Variants in RIMS2 observed in about 807,000 individuals in gnomAD.
RIMS2 encodes the protein regulating synaptic membrane exocytosis 2, also known as regulating synaptic membrane exocytosis protein 2.
A neutral mutation model predicts 174.4 loss-of-function variants in RIMS2; 59 were observed. The ratio of observed to expected loss-of-function variants is 0.34; its 90% CI spans 0.27 to 0.42. The LOEUF is 0.42. Among genes scored for constraint, RIMS2 ranks in the 10% least tolerant of loss-of-function variants. RIMS2 has a pLI of 1.00. For synonymous variants in RIMS2, 606 were observed against 572.5 expected (o/e 1.06, Z -0.84); for missense variants, 1,620 against 1,666.3 (o/e 0.97, Z 0.48).
chr8:103,794,358 G>T (rs2098531706), intron 3 of RIMS2, among the ~76,000 whole-genome samples: 2 of 152,178 alleles, frequency 1.3e-5, no homozygotes, highest in African/African-American at 2.4e-5. Context: ...AATCAATGGT[G>T]CTGGGAAAAC....
At chr8:104,115,351 T>C (rs1426108352) in intron 19 of RIMS2, among the ~76,000 whole-genome samples, 1 of 152,102 alleles carries the variant, frequency 6.6e-6, no homozygotes, top group African/African-American at 2.4e-5. Flanking sequence ...TAATGAGAAT[T>C]ACATGCAGTA....
At position 104,134,202 on chromosome 8, in the gene RIMS2, C is replaced by G. The variant is rs141351168; in HGVS notation, c.3335-110714C>G. On this transcript the variant is annotated intron_variant, in intron 19 of 23. Transcript: ENST00000504942. ...CTTTGGGGCCAGGCACAGTGGCTCA[C>G]GCCTGTAATTCCAGCACTTTGAGAG... Among the ~76,000 whole-genome samples the G allele has an allele frequency of 1.8e-3, 278 of 152,210 alleles. 4 individuals are homozygous for G. The highest frequency in any genetic ancestry group is 0.01 in the Middle Eastern group (3 of 294).
intron 19 of RIMS2, among the ~76,000 whole-genome samples, chr8:104,112,235 A>G (rs1430547067): frequency 6.6e-6 from 1 of 152,178 alleles, no homozygotes. Flanking sequence ...CTGTTAAGAT[A>G]AAATATTGCT....
intron 19 of RIMS2, among the ~76,000 whole-genome samples, chr8:104,020,201 T>C (rs1047217674): frequency 1.3e-5 from 2 of 152,004 alleles, no homozygotes; most frequent in African/African-American, 4.8e-5. Flanking sequence ...TATTGTGTGA[T>C]TTCATCTTTT....
rs2084069162 is a variant in RIMS2, at chr8:103,947,426, G to A, written c.2701+4500G>A. Among the ~76,000 whole-genome samples, 5 of 152,212 alleles carry A rather than the reference G, an allele frequency of 3.3e-5. No homozygotes were observed. In the South Asian group the frequency reaches 1.0e-3, roughly 32 times the overall value. ...AACATCATAGAGTGCACTTACACAA[G>A]CCTAGGTGGTGTAGCCTACTATACA... On this transcript the variant is annotated intron_variant, in intron 14 of 23. Coordinates refer to ENST00000504942, the Ensembl canonical transcript of RIMS2.
intron 19 of RIMS2, among the ~76,000 whole-genome samples, chr8:104,024,911 T>C (rs1025884343): frequency 6.6e-6 from 1 of 152,166 alleles, no homozygotes; most frequent in Non-Finnish European, 1.5e-5. Context: ...AATGGCTTAT[T>C]TTCATAATAC....
At chr8:103,719,482 G>A (rs1591040871) in intron 2 of RIMS2, among the ~76,000 whole-genome samples, 1 of 152,284 alleles carries the variant, frequency 6.6e-6, no homozygotes, top group Non-Finnish European at 1.5e-5. Flanking sequence ...GTACTCATCT[G>A]TATGTTTTTG....
At chr8:104,082,882 A>C (rs1215430211) in intron 19 of RIMS2, among the ~76,000 whole-genome samples, 1 of 152,072 alleles carries the variant, frequency 6.6e-6, no homozygotes, top group African/African-American at 2.4e-5. Flanking sequence ...TGCTGACATG[A>C]ACAAATTTGT....
intron 1 of RIMS2, among the ~76,000 whole-genome samples, chr8:103,662,054 G>A (rs995523347): frequency 3.3e-5 from 5 of 152,096 alleles, no homozygotes; most frequent in Admixed American, 1.3e-4. Flanking sequence ...AATTGTCTTC[G>A]GCCACACATA....
intron 2 of RIMS2, among the ~76,000 whole-genome samples, chr8:103,708,101 G>A (rs1037392342): frequency 7.2e-5 from 11 of 152,226 alleles, no homozygotes; most frequent in African/African-American, 2.7e-4. Context: ...TTCATGCTGG[G>A]TTGCACTTGG....
At chr8:103,587,276 T>C (rs1446710621) in intron 1 of RIMS2, among the ~76,000 whole-genome samples, 1 of 151,844 alleles carries the variant, frequency 6.6e-6, no homozygotes, top group Non-Finnish European at 1.5e-5. Flanking sequence ...CTACCAAACA[T>C]TTAAAGAAGA....
At chr8:103,684,255 T>A (rs2096912799) in intron 1 of RIMS2, among the ~76,000 whole-genome samples, 1 of 152,122 alleles carries the variant, frequency 6.6e-6, no homozygotes, top group Non-Finnish European at 1.5e-5. Context: ...CTGATTTTGC[T>A]TTTCCCAGAA....
chr8:104,111,356 G>A (rs966610978), intron 19 of RIMS2, among the ~76,000 whole-genome samples: 1 of 152,162 alleles, frequency 6.6e-6, no homozygotes, highest in African/African-American at 2.4e-5. Flanking sequence ...AAACAAAGCA[G>A]TTAAGCCACA....
At chr8:104,095,787 T>C (rs1404912114) in intron 19 of RIMS2, among the ~76,000 whole-genome samples, 4 of 152,156 alleles carry the variant, frequency 2.6e-5, no homozygotes. Flanking sequence ...TTTTGCCTTA[T>C]TATATCTAAG....
intron 1 of RIMS2, among the ~76,000 whole-genome samples, chr8:103,679,161 T>G (rs1399017322): frequency 6.6e-6 from 1 of 152,024 alleles, no homozygotes; most frequent in Non-Finnish European, 1.5e-5. Flanking sequence ...CAGAACACTA[T>G]ATATCCTGAA....
chr8:103,802,479 A>G (rs1169937687), intron 3 of RIMS2, among the ~76,000 whole-genome samples: 1 of 152,142 alleles, frequency 6.6e-6, no homozygotes, highest in Non-Finnish European at 1.5e-5. Context: ...CCAGTGAAGT[A>G]ATTCCGGTAT....
chr8:103,768,901 G>C, intron 3 of RIMS2: 2 of 484,976 alleles, frequency 4.1e-6, no homozygotes, highest in Non-Finnish European at 7.8e-6. Context: ...AGAGGCTGCA[G>C]AATATGCTTA....
chr8:103,636,788 A>ATT (rs2096088379), intron 1 of RIMS2, among the ~76,000 whole-genome samples: 2 of 43,574 alleles, frequency 4.6e-5, no homozygotes, highest in Admixed American at 2.7e-4. Context: ...CCACCCCCGC[A>ATT]CCCCCCCCCC....
chr8:103,650,211 A>G (rs2096424467), intron 1 of RIMS2, among the ~76,000 whole-genome samples: 1 of 151,902 alleles, frequency 6.6e-6, no homozygotes, highest in Admixed American at 6.6e-5. Flanking sequence ...TCCCCTTCAG[A>G]CCCTAGTTGC....
Sources: allele counts gnomAD v4.1 joint callset (sites outside exome capture counted in the v4.1 genomes callset), GRCh38; gene constraint gnomAD v4.1.1; transcripts MANE v1.5; gene names NCBI Gene and HGNC (gene_info 2026-07-23, HGNC 2026-07-21).